DSCAM: variants seen among roughly 807,000 people sequenced by gnomAD.
The protein encoded by DSCAM is cell adhesion molecule DSCAM.
A neutral mutation model predicts 217.7 loss-of-function variants in DSCAM; 47 were observed. The ratio of observed to expected loss-of-function variants is 0.22; its 90% CI spans 0.17 to 0.28. The LOEUF is 0.28. DSCAM is among the 10% of genes least tolerant of loss of function. DSCAM has a pLI of 1.00. For synonymous variants in DSCAM, 1,056 were observed against 1,015.3 expected (o/e 1.04, Z -0.76); for missense variants, 2,080 against 2,618.3 (o/e 0.79, Z 4.49).
rs369340294 is a variant in DSCAM at position 40,453,381 on chromosome 21, C to A, written c.509-84136G>T. ...GTCACACTAGGAAAGGTCACACTGA[C>A]AAGCTGACAGCTGCAATCCTGACAG... On this transcript the variant is annotated intron_variant, in intron 3 of 32. Coordinates refer to ENST00000400454, the MANE Select transcript of DSCAM (RefSeq NM_001389.5). Among the ~76,000 whole-genome samples the A allele has an allele frequency of 3.9e-5, 6 of 152,184 alleles. No homozygotes were observed. In the East Asian group the frequency reaches 7.7e-4, roughly 20 times the overall value.
intron 3 of DSCAM, among the ~76,000 whole-genome samples, chr21:40,453,573 A>T (rs1425104698): frequency 6.6e-6 from 1 of 152,196 alleles, no homozygotes; most frequent in Non-Finnish European, 1.5e-5. Flanking sequence ...TCCTGATCCA[A>T]CACCTTAGGA....
intron 11 of DSCAM, among the ~76,000 whole-genome samples, chr21:40,239,001 T>C (rs908569851): frequency 4.6e-5 from 7 of 152,196 alleles, no homozygotes; most frequent in Non-Finnish European, 4.4e-5. Context: ...ATTCACCGTC[T>C]AACTTATGAT....
chr21:40,064,896 G>C (rs1477080369), intron 27 of DSCAM, among the ~76,000 whole-genome samples: 2 of 152,136 alleles, frequency 1.3e-5, no homozygotes, highest in African/African-American at 2.4e-5. Flanking sequence ...AGAGGTGGGT[G>C]GTGGATGGGT....
intron 3 of DSCAM, among the ~76,000 whole-genome samples, chr21:40,442,073 A>G (rs1292121883): frequency 2.0e-5 from 3 of 152,206 alleles, no homozygotes; most frequent in Admixed American, 2.0e-4. Flanking sequence ...AACTTCATCC[A>G]AGGGGGTATA....
Position 40,376,549 on chromosome 21 carries a change from TATCG to T in DSCAM, c.509-7308_509-7305del, listed in dbSNP as rs1441320426. ...CTTATATAGATATCGATATATCTTA[TATCG>T]ATATCTATATATCTTATATCGATAT... On this transcript the variant is annotated intron_variant, in intron 3 of 32. Transcript: ENST00000400454. Among the ~76,000 whole-genome samples, 50 of 110,186 alleles carry T rather than the reference TATCG, an allele frequency of 4.5e-4. 2 individuals carry two copies. Among genetic ancestry groups the T allele is most frequent in the Admixed American group, 1.5e-3 (14 of 9,470 alleles). 72.3% of individuals were successfully genotyped at this position (110,186 alleles called of 152,430 possible).
At chr21:40,702,872 T>C (rs1246277906) in intron 2 of DSCAM, among the ~76,000 whole-genome samples, 2 of 152,206 alleles carry the variant, frequency 1.3e-5, no homozygotes, top group East Asian at 1.9e-4. Flanking sequence ...CAACTTCACA[T>C]ATAGCAAAAT....
chr21:40,351,939 A>G (rs1464500209), intron 5 of DSCAM, among the ~76,000 whole-genome samples: 2 of 152,194 alleles, frequency 1.3e-5, no homozygotes, highest in Non-Finnish European at 2.9e-5. Flanking sequence ...AGGAAGCAAC[A>G]TAAGTAATGT....
intron 10 of DSCAM, among the ~76,000 whole-genome samples, chr21:40,292,471 C>T (rs2073904930): frequency 6.6e-6 from 1 of 151,528 alleles, no homozygotes; most frequent in Non-Finnish European, 1.5e-5. Flanking sequence ...TAACAATATA[C>T]CATATTTCTC....
intron 3 of DSCAM, among the ~76,000 whole-genome samples, chr21:40,663,505 TAGAATA>T (rs1236660120): frequency 2.0e-5 from 3 of 152,102 alleles, no homozygotes; most frequent in African/African-American, 7.2e-5. Flanking sequence ...TTCTCCCTCT[TAGAATA>T]AGAGCACTTG....
At chr21:40,329,124 A>T (rs2075797704) in intron 8 of DSCAM, among the ~76,000 whole-genome samples, 1 of 152,246 alleles carries the variant, frequency 6.6e-6, no homozygotes, top group African/African-American at 2.4e-5. Flanking sequence ...AAACATTAAA[A>T]ATAGAACCAC....
At chr21:40,221,484 A>G (rs2091288919) in intron 11 of DSCAM, among the ~76,000 whole-genome samples, 1 of 148,892 alleles carries the variant, frequency 6.7e-6, no homozygotes, top group African/African-American at 2.4e-5. Context: ...ATAAAATAAT[A>G]CATATTATAT....
intron 3 of DSCAM, among the ~76,000 whole-genome samples, chr21:40,377,985 G>GC (rs1053219934): frequency 4.6e-5 from 7 of 152,104 alleles, no homozygotes; most frequent in African/African-American, 1.4e-4. Context: ...CTTTAGAGTA[G>GC]CTCTAATCTG....
chr21:40,613,137 A>G (rs2837746), intron 3 of DSCAM, among the ~76,000 whole-genome samples: 18,702 of 152,230 alleles, frequency 0.12, 1,337 homozygotes, highest in East Asian at 0.2. Flanking sequence ...ACTGCACATC[A>G]TGGTCAAGTG....
intron 9 of DSCAM, 103 bp downstream of exon 9, chr21:40,311,978 T>A: frequency 1.9e-6 from 1 of 521,602 alleles, no homozygotes; most frequent in Non-Finnish European, 3.0e-6. Flanking sequence ...TAAAACTGAA[T>A]TTCTAAGTTC....
chr21:40,412,926 C>T (rs955886761), intron 3 of DSCAM, among the ~76,000 whole-genome samples: 3 of 152,218 alleles, frequency 2.0e-5, no homozygotes, highest in African/African-American at 7.2e-5. Context: ...GGCCTTGGGG[C>T]CCTGCATCTC....
chr21:40,371,563 T>C (rs1476088323), intron 3 of DSCAM, among the ~76,000 whole-genome samples: 1 of 152,172 alleles, frequency 6.6e-6, no homozygotes, highest in East Asian at 1.9e-4. Context: ...GGTTGAGAAA[T>C]GCACACAGAT....
intron 1 of DSCAM, among the ~76,000 whole-genome samples, chr21:40,709,651 C>G (rs1425707956): frequency 6.6e-6 from 1 of 152,174 alleles, no homozygotes; most frequent in Non-Finnish European, 1.5e-5. Context: ...CATCTACATC[C>G]CTGCAAAGGA....
intron 1 of DSCAM, among the ~76,000 whole-genome samples, chr21:40,837,315 T>C (rs2092065288): frequency 6.6e-6 from 1 of 152,132 alleles, no homozygotes; most frequent in Non-Finnish European, 1.5e-5. Flanking sequence ...GGGGAGAGTG[T>C]GGGGCCCCTC....
chr21:40,323,870 G>T (rs375709669), intron 8 of DSCAM, among the ~76,000 whole-genome samples: 1 of 152,094 alleles, frequency 6.6e-6, no homozygotes, highest in Non-Finnish European at 1.5e-5. Context: ...TTGGGAGGCT[G>T]AGGTGGGCGG....
Sources: gnomAD v4.1 joint callset for allele counts (sites outside exome capture counted in the v4.1 genomes callset) on GRCh38, gnomAD v4.1.1 for gene constraint, MANE v1.5 for transcripts, NCBI Gene and HGNC (gene_info 2026-07-23, HGNC 2026-07-21) for gene names.